Variants in SRGAP3 observed in about 807,000 individuals in gnomAD.
SRGAP3 encodes the protein SLIT-ROBO Rho GTPase-activating protein 3.
Under a neutral mutation model 121.1 loss-of-function variants are expected in SRGAP3, and 39 were observed. The observed-to-expected ratio is 0.32, with a 90% CI of 0.25 to 0.42. The LOEUF is 0.42. Ranked by LOEUF, SRGAP3 falls within the 10% of genes least tolerant of loss-of-function variation. SRGAP3 has a pLI of 1.00. For synonymous variants in SRGAP3, 601 were observed against 570.0 expected (o/e 1.05, Z -0.77); for missense variants, 1,213 against 1,470.6 (o/e 0.82, Z 2.86).
At chr3:9,236,865 A>T (rs1364024950) in intron 1 of SRGAP3, among the ~76,000 whole-genome samples, 3 of 152,230 alleles carry the variant, frequency 2.0e-5, no homozygotes, top group Admixed American at 2.0e-4. Context: ...TATAGTTCCC[A>T]TTCTTATCTT....
At chr3:9,144,865 C>T (rs1949972827) in intron 1 of SRGAP3, among the ~76,000 whole-genome samples, 1 of 152,168 alleles carries the variant, frequency 6.6e-6, no homozygotes, top group Non-Finnish European at 1.5e-5. Flanking sequence ...TGAGTAACTA[C>T]CCTATGGTTT....
intron 1 of SRGAP3, among the ~76,000 whole-genome samples, chr3:9,188,339 C>G (rs1951659935): frequency 6.6e-6 from 1 of 152,138 alleles, no homozygotes; most frequent in African/African-American, 2.4e-5. Flanking sequence ...ATTAGTGTGT[C>G]CATTTGTTAT....
At chr3:9,288,699 C>T (rs1341050354) in intron 3 of SRGAP3, among the ~76,000 whole-genome samples, 2 of 151,722 alleles carry the variant, frequency 1.3e-5, no homozygotes, top group African/African-American at 4.8e-5. Flanking sequence ...CTCAGCCTCC[C>T]AAGTAGTTGG....
chr3:9,118,508 G>C (rs1048820888), intron 2 of SRGAP3, among the ~76,000 whole-genome samples: 5 of 152,218 alleles, frequency 3.3e-5, no homozygotes, highest in African/African-American at 1.2e-4. Flanking sequence ...GCCAAACTCA[G>C]GTTAGGCCTA....
chr3:9,063,703 A>G (rs1946287790), intron 5 of SRGAP3, among the ~76,000 whole-genome samples: 1 of 152,168 alleles, frequency 6.6e-6, no homozygotes, highest in Non-Finnish European at 1.5e-5. Flanking sequence ...TGCTCTGGGC[A>G]ATTGATCAGA....
intron 1 of SRGAP3, among the ~76,000 whole-genome samples, chr3:9,181,984 G>A (rs1371684301): frequency 6.6e-6 from 1 of 152,070 alleles, no homozygotes; most frequent in Non-Finnish European, 1.5e-5. Context: ...AGACCAGCCT[G>A]ACCAACATGG....
chr3:9,087,278 C>G (rs1029031365), intron 3 of SRGAP3, among the ~76,000 whole-genome samples: 8 of 152,068 alleles, frequency 5.3e-5, no homozygotes, highest in Non-Finnish European at 7.4e-5. Context: ...CAGCACCTAG[C>G]ACCATATGAG....
chr3:9,321,548 G>C (rs1020401847), intron 3 of SRGAP3, among the ~76,000 whole-genome samples: 1 of 151,926 alleles, frequency 6.6e-6, no homozygotes, highest in Non-Finnish European at 1.5e-5. Context: ...CATGAGCATA[G>C]AAGTGGGAAG....
At chr3:9,268,812 G>A (rs745971435) in intron 3 of SRGAP3, among the ~76,000 whole-genome samples, 3 of 152,124 alleles carry the variant, frequency 2.0e-5, no homozygotes, top group African/African-American at 7.2e-5. Flanking sequence ...ACTGGCCCCA[G>A]AACCCACTCA....
chr3:9,187,781 G>A (rs17050150), intron 1 of SRGAP3, among the ~76,000 whole-genome samples: 3,525 of 152,174 alleles, frequency 0.023, 150 homozygotes, highest in African/African-American at 0.08. Context: ...TTCACCGAAC[G>A]CTCGCTCACT....
intron 3 of SRGAP3, among the ~76,000 whole-genome samples, chr3:9,324,053 A>G (rs1459462626): frequency 2.0e-5 from 3 of 151,882 alleles, no homozygotes; most frequent in Non-Finnish European, 4.4e-5. Context: ...GAGGTACTGA[A>G]ACAGTGAGGT....
intron 1 of SRGAP3, among the ~76,000 whole-genome samples, chr3:9,248,106 C>T (rs1953889618): frequency 6.6e-6 from 1 of 152,234 alleles, no homozygotes; most frequent in Non-Finnish European, 1.5e-5. Flanking sequence ...GTCATCTCGC[C>T]CTCCCGGCAG....
intron 1 of SRGAP3, among the ~76,000 whole-genome samples, chr3:9,208,109 C>T (rs537564879): frequency 9.7e-4 from 148 of 152,238 alleles, no homozygotes; most frequent in African/African-American, 3.4e-3. Flanking sequence ...GTGGCCCCCT[C>T]CCACAGTTGC....
At chr3:9,181,812 C>G (rs1376038389) in intron 1 of SRGAP3, among the ~76,000 whole-genome samples, 1 of 152,192 alleles carries the variant, frequency 6.6e-6, no homozygotes, top group Non-Finnish European at 1.5e-5. Flanking sequence ...AGGTTGAACT[C>G]TAACTCTCCA....
At chr3:9,317,882 CA>C (rs1475597786) in intron 3 of SRGAP3, among the ~76,000 whole-genome samples, 1 of 152,234 alleles carries the variant, frequency 6.6e-6, no homozygotes, top group East Asian at 1.9e-4. Context: ...AAAGGCTCAA[CA>C]ACATCTGGAT....
intron 3 of SRGAP3, among the ~76,000 whole-genome samples, chr3:9,103,646 G>A (rs1171088029): frequency 6.6e-6 from 1 of 152,144 alleles, no homozygotes; most frequent in Non-Finnish European, 1.5e-5. Context: ...TTTGTTTAAC[G>A]CTCACCCTCC....
chr3:8,990,857 G>T lies in SRGAP3; in HGVS notation c.2559-18C>A. The T allele has an allele frequency of 6.7e-7, 1 of 1,496,034 alleles. No individual in the cohort carries two copies. The highest frequency in any genetic ancestry group is 8.8e-7 in the Non-Finnish European group (1 of 1,130,878). 92.7% of individuals were successfully genotyped at this position (1,496,034 alleles called of 1,614,324 possible). ...ACCGCACTCTGCAAAGGAGCCAGGG[G>T]GCGAGGGGCATGGGGCAGAGGTCAA... On this transcript the variant is annotated intron_variant, in intron 20 of 21. Transcript: ENST00000383836.
intron 1 of SRGAP3, among the ~76,000 whole-genome samples, chr3:9,133,170 T>C (rs1560227623): frequency 1.3e-5 from 2 of 151,974 alleles, no homozygotes; most frequent in African/African-American, 4.8e-5. Flanking sequence ...TTCTGTACCT[T>C]ATCTTTTTCT....
At chr3:9,220,832 C>T (rs571498965) in intron 1 of SRGAP3, among the ~76,000 whole-genome samples, 1 of 152,176 alleles carries the variant, frequency 6.6e-6, no homozygotes, top group Non-Finnish European at 1.5e-5. Context: ...ATGGGACACA[C>T]ACAGGAAAGT....
Sources: gnomAD v4.1 joint callset for allele counts (sites outside exome capture counted in the v4.1 genomes callset) on GRCh38, gnomAD v4.1.1 for gene constraint, MANE v1.5 for transcripts, NCBI Gene and HGNC (gene_info 2026-07-23, HGNC 2026-07-21) for gene names.